The following BIN2 variants were observed in gnomAD, a reference collection of about 807,000 sequenced individuals.
BIN2 encodes breast cancer associated protein BRAP1.
A neutral mutation model predicts 67.9 loss-of-function variants in BIN2; 43 were observed. The ratio of observed to expected loss-of-function variants is 0.63; its 90% CI spans 0.50 to 0.82. BIN2 has a LOEUF of 0.82. Ranked by LOEUF, BIN2 falls within the 40% of genes least tolerant of loss-of-function variation. The pLI, the probability that BIN2 is intolerant of heterozygous loss-of-function variation, is 0.00. For synonymous variants in BIN2, 244 were observed against 246.8 expected (o/e 0.99, Z 0.11); for missense variants, 581 against 671.6 (o/e 0.87, Z 1.49).
In BIN2 at chr12:51,292,218, A is replaced by G; in HGVS notation, c.888T>C (p.Thr296=). 1 of 1,610,028 alleles carries G rather than the reference A, an allele frequency of 6.2e-7. No individual in the cohort carries two copies. The highest frequency in any genetic ancestry group is 1.1e-5 in the South Asian group (1 of 91,090). The change falls in exon 10 of 13, where the codon ACT becomes ACC. Residue 296 remains threonine, a synonymous_variant. Coordinates refer to ENST00000615107, the MANE Select transcript of BIN2 (RefSeq NM_016293.4). The stretch of plus-strand genomic sequence containing the variant: ...GGGCTGCATCAGGTGCCAGATCTTC[A>G]GTTGCTGAGACAGATTCACTCTCAC... ...LKSESESVSA[T]EDLAPDAAQG...
rs1945735104 is a variant in BIN2, at chr12:51,302,014, G to A, written c.408+6C>T. ...CAACCCAGCCTTGATTCTGTACATT[G>A]AGTACCTTAATTTCACTGAACTGGG... On this transcript the variant is annotated splice_donor_region_variant and intron_variant, in intron 5 of 12. Transcript: ENST00000615107. 10 of 1,602,126 alleles carry A rather than the reference G, an allele frequency of 6.2e-6. No homozygotes were observed. Among genetic ancestry groups the A allele is most frequent in the Non-Finnish European group, 8.6e-6 (10 of 1,169,242 alleles).
At chr12:51,308,200 G>T (rs933167079) in intron 2 of BIN2, among the ~76,000 whole-genome samples, 6 of 152,104 alleles carry the variant, frequency 3.9e-5, no homozygotes, top group Non-Finnish European at 7.3e-5. Flanking sequence ...GTTCTCGCTT[G>T]TCTGGGAGTC....
At chr12:51,285,964 C>T (rs921815840) in intron 11 of BIN2, among the ~76,000 whole-genome samples, 1 of 152,148 alleles carries the variant, frequency 6.6e-6, no homozygotes, top group African/African-American at 2.4e-5. Context: ...CAAGATTTCT[C>T]CTTCAAGGAC....
intron 1 of BIN2, among the ~76,000 whole-genome samples, chr12:51,314,894 C>T (rs1946082582): frequency 6.6e-6 from 1 of 151,982 alleles, no homozygotes; most frequent in African/African-American, 2.4e-5. Context: ...GCTCTGTTGC[C>T]CTGGCTGTAG....
chr12:51,317,094 T>C (rs1236313004), intron 1 of BIN2, among the ~76,000 whole-genome samples: 1 of 152,030 alleles, frequency 6.6e-6, no homozygotes, highest in Non-Finnish European at 1.5e-5. Context: ...CAGGCTGCTC[T>C]CGAATTCCCG....
rs559434138 is a variant in BIN2 at position 51,283,753 on chromosome 12, G to C, written c.1668+963C>G. Among the ~76,000 whole-genome samples, 204 of 152,258 alleles carry C rather than the reference G, an allele frequency of 1.3e-3. 1 individual carries two copies. The highest frequency in any genetic ancestry group is 4.4e-3 in the African/African-American group (184 of 41,570). On this transcript the variant is annotated intron_variant, in intron 12 of 12. Transcript: ENST00000615107. ...CTCCCGCCTGTAACCCCAGCACTTT[G>C]GGAGGCCAAGGCAGGTGCATCATCT...
Position 51,305,134 on chromosome 12 carries a change from T to C in BIN2, c.163-1993A>G, listed in dbSNP as rs187528914. ...GGTGGATCACCCGAGGTCAGGAGTT[T>C]GAGACCAGCCTGACCAACATGGTGA... On this transcript the variant is annotated intron_variant, in intron 2 of 12. Coordinates refer to ENST00000615107, the MANE Select transcript of BIN2 (RefSeq NM_016293.4). 1.1e-3 allele frequency among the ~76,000 whole-genome samples: 166 copies of C among 148,180 alleles called. 1 individual carries two copies. Among genetic ancestry groups the C allele is most frequent in the Non-Finnish European group, 1.1e-3 (72 of 67,304 alleles).
At chr12:51,322,614 T>G (rs35854730) in intron 1 of BIN2, 49,126 of 151,496 alleles carry the variant, frequency 0.32, 8,444 homozygotes, top group African/African-American at 0.44. Context: ...AGGGTTTTTT[T>G]TTTTTTCAAC....
chr12:51,289,855 G>A (rs998142322), intron 10 of BIN2, among the ~76,000 whole-genome samples: 5 of 151,680 alleles, frequency 3.3e-5, no homozygotes, highest in African/African-American at 1.2e-4. Context: ...CTTTTCAAAA[G>A]GCTGTCCTTT....
intron 2 of BIN2, 60 bp from the exon 3 acceptor site, chr12:51,303,201 AG>A: frequency 1.3e-6 from 2 of 1,553,332 alleles, no homozygotes; most frequent in Non-Finnish European, 1.8e-6. Flanking sequence ...GATGCTCCAG[AG>A]GTCAAAGTCA....
Position 51,288,163 on chromosome 12 carries a change from T to G in BIN2, c.1541A>C (p.Lys514Thr). ...ATCCTTTTCCTTGTCTTCCATCTTC[T>G]TTGCCTCTCCAGGCTCTGAAGCAAC... ...SQVASEPGEA[K>T]KMEDKEKDNK... Residue 514 changes from lysine to threonine, a missense_variant, in exon 11 of 13, where the codon AAG becomes ACG. By Grantham distance (78) the Lys-to-Thr change is moderately conservative. Coordinates refer to ENST00000615107, the MANE Select transcript of BIN2 (RefSeq NM_016293.4). The G allele has an allele frequency of 6.2e-7, 1 of 1,613,996 alleles. No homozygotes were observed. Among genetic ancestry groups the G allele is most frequent in the Non-Finnish European group, 8.5e-7 (1 of 1,179,844 alleles).
intron 3 of BIN2, 95 bp downstream of exon 3, chr12:51,302,992 G>C: frequency 7.0e-7 from 1 of 1,420,848 alleles, no homozygotes; most frequent in Non-Finnish European, 9.9e-7. Flanking sequence ...ATGATAAAAT[G>C]ACAAAAACCT....
rs766209007 is a variant in BIN2 at position 51,295,879 on chromosome 12, C to A, written c.679-1G>T. On this transcript the variant is annotated splice_acceptor_variant, in intron 8 of 12. Coordinates refer to ENST00000615107, the MANE Select transcript of BIN2 (RefSeq NM_016293.4). LOFTEE classifies it high-confidence loss of function. ...TCACCTCGTAGAGATTGTGGTTCAGCTAGAGCCAATAAGAAAGAAGGGGAT... is the reference window on the plus strand; with the variant it reads ...TCACCTCGTAGAGATTGTGGTTCAGATAGAGCCAATAAGAAAGAAGGGGAT... 6.8e-6 allele frequency: 11 copies of A among 1,612,146 alleles called. No homozygotes were observed. The South Asian group carries it at 1.2e-4, about 18-fold the overall frequency.
chr12:51,302,196 T>A, intron 4 of BIN2, 81 bp from the exon 5 acceptor site: 1 of 1,031,506 alleles, frequency 9.7e-7, no homozygotes, highest in Non-Finnish European at 1.5e-6. Flanking sequence ...AAATTCTCCC[T>A]GCAAAAACCT....
chr12:51,296,999 G>A (rs965371569), intron 8 of BIN2, 90 bp downstream of exon 8: 14 of 1,211,912 alleles, frequency 1.2e-5, no homozygotes, highest in South Asian at 2.7e-5. Flanking sequence ...GTGCCAATAC[G>A]GATATTTAAA....
intron 10 of BIN2, among the ~76,000 whole-genome samples, chr12:51,291,026 G>A (rs1406621878): frequency 2.0e-5 from 3 of 152,104 alleles, no homozygotes; most frequent in African/African-American, 4.8e-5. Context: ...GCGTGCACCT[G>A]TAATCCCAGC....
intron 10 of BIN2, among the ~76,000 whole-genome samples, chr12:51,290,610 A>T (rs1022250353): frequency 4.6e-5 from 7 of 151,442 alleles, no homozygotes; most frequent in Non-Finnish European, 7.4e-5. Flanking sequence ...GCGGATCACG[A>T]GGTCAGGAGT....
chr12:51,281,774 A>G (rs539431383), intron 12 of BIN2, among the ~76,000 whole-genome samples: 85 of 151,516 alleles, frequency 5.6e-4, no homozygotes, highest in East Asian at 1.2e-3. Flanking sequence ...TTTCTTTTTG[A>G]GACATAGTCT....
chr12:51,289,545 G>A (rs1046413223), intron 10 of BIN2, among the ~76,000 whole-genome samples: 1 of 152,070 alleles, frequency 6.6e-6, no homozygotes, highest in Non-Finnish European at 1.5e-5. Context: ...GGCCCAGAGA[G>A]GTCAAGGCTG....
Sources: allele counts gnomAD v4.1 joint callset (sites outside exome capture counted in the v4.1 genomes callset), GRCh38; gene constraint gnomAD v4.1.1; transcripts MANE v1.5; gene names NCBI Gene and HGNC (gene_info 2026-07-23, HGNC 2026-07-21).